GIN1: variants seen among roughly 807,000 people sequenced by gnomAD.
GIN1 encodes gypsy retrotransposon integrase-like protein 1.
A neutral mutation model predicts 51.4 loss-of-function variants in GIN1; 41 were observed. The observed-to-expected ratio is 0.80, with a 90% CI of 0.62 to 1.04. The LOEUF is 1.04. GIN1 is among the 50% of genes least tolerant of loss of function. GIN1 has a pLI of 0.00. For missense variants in GIN1, 610 were observed against 612.4 expected, an observed-to-expected ratio of 1.00 and a Z score of 0.04; for synonymous variants, 222 against 206.5, an observed-to-expected ratio of 1.07 and a Z score of -0.64.
chr5:103,115,435 G>C (rs1788005471), intron 1 of GIN1, among the ~76,000 whole-genome samples: 1 of 152,116 alleles, frequency 6.6e-6, no homozygotes, highest in South Asian at 2.1e-4. Context: ...GATAAATACT[G>C]TAAGATTCCA....
At chr5:103,116,030 T>C (rs543979834) in intron 1 of GIN1, among the ~76,000 whole-genome samples, 1 of 152,234 alleles carries the variant, frequency 6.6e-6, no homozygotes, top group African/African-American at 2.4e-5. Flanking sequence ...ACTCTACCTC[T>C]GAGAAAAAGT....
chr5:103,098,039 C>T (rs1787458265), intron 4 of GIN1, among the ~76,000 whole-genome samples: 1 of 152,048 alleles, frequency 6.6e-6, no homozygotes, highest in South Asian at 2.1e-4. Flanking sequence ...TGCGCCACCA[C>T]ACCCGGCTAA....
chr5:103,112,517 T>C (rs546652952), intron 1 of GIN1, among the ~76,000 whole-genome samples: 1 of 152,292 alleles, frequency 6.6e-6, no homozygotes, highest in Admixed American at 6.5e-5. Context: ...CAGAACATAA[T>C]ACAGCTTCTT....
Position 103,086,632 on chromosome 5 carries a change from A to G in GIN1, c.*1266T>C, listed in dbSNP as rs1554193904. The G allele has an allele frequency of 6.6e-6, 1 of 152,182 alleles. No homozygotes were observed. The highest frequency in any genetic ancestry group is 1.5e-5 in the Non-Finnish European group (1 of 68,036). The allele number at this position is 152,182 out of a possible 1,614,324, so 9.4% of individuals were successfully genotyped here. A position where few individuals can be genotyped will look rare whatever the true frequency, so the allele number is the denominator to read the frequency against. ...GTCAAGCTTAAATGATCCTTCTTCC[A>G]TAAGGATAAACACAAATTTCCTATG... On this transcript the variant is annotated 3_prime_UTR_variant, in exon 8 of 8. Transcript: ENST00000399004.
Position 103,108,625 on chromosome 5 carries a change from G to A in GIN1, c.83C>T (p.Thr28Ile), listed in dbSNP as rs1175439041. The stretch of plus-strand genomic sequence containing the variant: ...TATGCCACTTCTCTCACTTGGCAGT[G>A]TAGTTGAATGATATTCACCAGTTCG... ...YKRTGEYHST[T>I]LPSERSGIRR... is the part of the protein sequence containing the mutation. Residue 28 changes from threonine (T) to isoleucine (I), a missense_variant, in exon 2 of 8, where the codon ACA becomes ATA. Transcript: ENST00000399004. 1 of 1,603,124 alleles carries A rather than the reference G, an allele frequency of 6.2e-7. No individual in the cohort carries two copies. Among genetic ancestry groups the A allele is most frequent in the African/African-American group, 1.3e-5 (1 of 74,654 alleles).
In GIN1 at chr5:103,108,666, C is replaced by T; in HGVS notation, c.42G>A (p.Gln14=). Residue 14 remains glutamine (Q), a synonymous_variant, in exon 2 of 8, where the codon CAG becomes CAA. Transcript: ENST00000399004. ...SGKNGDLHLK[Q]IAYYKRTGEY... ...CACCAGTTCGTTTGTAATATGCAAT[C>T]TGTTTAAGATGAAGGTCACCATTTT... 1.9e-6 allele frequency: 3 copies of T among 1,604,038 alleles called. No homozygotes were observed. The highest frequency in any genetic ancestry group is 2.6e-6 in the Non-Finnish European group (3 of 1,171,992).
At chr5:103,119,153 A>T (rs1374493374) in intron 1 of GIN1, among the ~76,000 whole-genome samples, 1 of 152,210 alleles carries the variant, frequency 6.6e-6, no homozygotes, top group African/African-American at 2.4e-5. Context: ...GCAGTTAGGT[A>T]TTATGTCAAG....
At chr5:103,113,907 G>A (rs181086176) in intron 1 of GIN1, among the ~76,000 whole-genome samples, 116 of 152,256 alleles carry the variant, frequency 7.6e-4, no homozygotes, top group African/African-American at 2.7e-3. Flanking sequence ...TTAAGACCAT[G>A]GCACTAATGA....
chr5:103,101,883 A>G (rs1411684025), intron 4 of GIN1, among the ~76,000 whole-genome samples: 1 of 152,152 alleles, frequency 6.6e-6, no homozygotes, highest in African/African-American at 2.4e-5. Context: ...GCCTTCCCCC[A>G]AACTGGATGG....
chr5:103,087,946 A>G lies in GIN1; in HGVS notation c.1521T>C (p.Thr507=), dbSNP rs982961762. ...GGTTTGAAGAGTCCAACAGACTGAA[A>G]GTCTGCTTTTCAAGAGAACTATGAT... ...IDDHSSLEKQ[T]FSLLDSSNQV... The change falls in exon 8 of 8, where the codon ACT becomes ACC. Residue 507 remains threonine, a synonymous_variant. Coordinates refer to ENST00000399004, the MANE Select transcript of GIN1 (RefSeq NM_017676.2). 1 of 1,595,840 alleles carries G rather than the reference A, an allele frequency of 6.3e-7. No individual in the cohort carries two copies. Among genetic ancestry groups the G allele is most frequent in the African/African-American group, 1.3e-5 (1 of 74,656 alleles).
At chr5:103,105,312 T>C (rs1787694042) in intron 3 of GIN1, among the ~76,000 whole-genome samples, 1 of 152,166 alleles carries the variant, frequency 6.6e-6, no homozygotes. Context: ...TACTACCAAA[T>C]GACCATCTTA....
At position 103,088,092 on chromosome 5, in the gene GIN1, G is replaced by C. The variant is rs781934074; in HGVS notation, c.1375C>G (p.Gln459Glu). 2.7e-5 allele frequency: 43 copies of C among 1,608,444 alleles called. No individual in the cohort carries two copies. The South Asian group carries it at 4.7e-4, about 18-fold the overall frequency. Residue 459 changes from glutamine (Q) to glutamate (E), a missense_variant, in exon 8 of 8, where the codon CAA becomes GAA. Physicochemically the swap from Gln to Glu is conservative, Grantham distance 29. Coordinates refer to ENST00000399004, the MANE Select transcript of GIN1 (RefSeq NM_017676.2). Reference protein sequence around the residue: ...GLPEIPIGAYQANILVEDATI... With the variant: ...GLPEIPIGAYEANILVEDATI... ...GCATCTTCCACCAGAATATTTGCTTGATATGCTCCAATCGGAATTTCAGGC... is the reference window on the plus strand; with the variant it reads ...GCATCTTCCACCAGAATATTTGCTTCATATGCTCCAATCGGAATTTCAGGC...
In GIN1 at chr5:103,086,753, C is replaced by A. The variant is rs1328417719; in HGVS notation, c.*1145G>T. ...CTTAACTTGTGCTGTACATGGCTTA[C>A]ATAGTTTATTACCTACCAGACAGTA... On this transcript the variant is annotated 3_prime_UTR_variant, in exon 8 of 8. Coordinates refer to ENST00000399004, the MANE Select transcript of GIN1 (RefSeq NM_017676.2). 1 of 152,228 alleles carries A rather than the reference C, an allele frequency of 6.6e-6. No individual in the cohort carries two copies. The highest frequency in any genetic ancestry group is 6.5e-5 in the Admixed American group (1 of 15,274). The allele number at this position is 152,228 out of a possible 1,614,324, so 9.4% of individuals were successfully genotyped here. A position where few individuals can be genotyped will look rare whatever the true frequency, so the allele number is the denominator to read the frequency against.
chr5:103,093,441 G>A (rs1168655028), intron 7 of GIN1, among the ~76,000 whole-genome samples: 3 of 152,126 alleles, frequency 2.0e-5, no homozygotes, highest in Non-Finnish European at 4.4e-5. Flanking sequence ...CAAGAAAATG[G>A]ATTATTTTCT....
chr5:103,087,746 C>A lies in GIN1; in HGVS notation c.*152G>T, dbSNP rs1787114403. On this transcript the variant is annotated 3_prime_UTR_variant, in exon 8 of 8. Transcript: ENST00000399004. The stretch of plus-strand genomic sequence containing the variant: ...TACGTATACTGATATTCAAATGTGG[C>A]ATAATTTTAGATAAGAACTATAAAA... 2.0e-6 allele frequency: 1 copy of A among 495,014 alleles called. No individual in the cohort carries two copies. The highest frequency in any genetic ancestry group is 3.5e-6 in the Non-Finnish European group (1 of 283,032). 30.7% of individuals were successfully genotyped at this position (495,014 alleles called of 1,614,324 possible).
intron 1 of GIN1, among the ~76,000 whole-genome samples, chr5:103,111,639 C>G (rs782398243): frequency 1.3e-5 from 2 of 152,108 alleles, no homozygotes; most frequent in Non-Finnish European, 2.9e-5. Flanking sequence ...ACTCTCACAC[C>G]TTAGAGGAAG....
chr5:103,113,491 T>C (rs1484483685), intron 1 of GIN1, among the ~76,000 whole-genome samples: 3 of 151,428 alleles, frequency 2.0e-5, no homozygotes, highest in Non-Finnish European at 4.4e-5. Flanking sequence ...CTCTGACCTA[T>C]GATCAAGTCA....
At position 103,097,720 on chromosome 5, in the gene GIN1, C is replaced by G. The variant is rs782580140; in HGVS notation, c.701G>C (p.Gly234Ala). 1.9e-6 allele frequency: 3 copies of G among 1,590,048 alleles called. No individual in the cohort carries two copies. ...TGTACTTTCCGTTGGGTTAACAGTT[C>G]CAGAGGTGTGAGAAATTACAATTTG... ...IKQIVISHTS[G>A]TVNPTESTPN... The change falls in exon 5 of 8, where the codon GGA becomes GCA. Residue 234 changes from glycine to alanine, a missense_variant. By Grantham distance (60) the Gly-to-Ala change is moderately conservative. Transcript: ENST00000399004.
Position 103,106,912 on chromosome 5 carries a change from G to T in GIN1, c.140-3C>A, listed in dbSNP as rs201882757. 2.0e-6 allele frequency: 3 copies of T among 1,498,934 alleles called. No individual in the cohort carries two copies. Among genetic ancestry groups the T allele is most frequent in the Non-Finnish European group, 2.7e-6 (3 of 1,107,912 alleles). 92.9% of individuals were successfully genotyped at this position (1,498,934 alleles called of 1,614,324 possible). On this transcript the variant is annotated splice_region_variant and splice_polypyrimidine_tract_variant and intron_variant, in intron 2 of 7. Coordinates refer to ENST00000399004, the MANE Select transcript of GIN1 (RefSeq NM_017676.2). ...TCCAACATAAAACAGCTTTTTTTCT[G>T]GAATAAATGATACCAAAAGATAGAA...
Sources: allele counts gnomAD v4.1 joint callset (sites outside exome capture counted in the v4.1 genomes callset), GRCh38; gene constraint gnomAD v4.1.1; transcripts MANE v1.5; gene names NCBI Gene and HGNC (gene_info 2026-07-23, HGNC 2026-07-21).